Variants in INPP5A observed in about 807,000 individuals in gnomAD.
The protein encoded by INPP5A is 43 kDa inositol polyphosphate 5-phophatase.
INPP5A carries 14 observed loss-of-function variants against 65.2 expected under a neutral mutation model. The observed-to-expected ratio is 0.21, with a 90% CI of 0.14 to 0.34. The LOEUF (loss-of-function observed/expected upper bound fraction) is 0.34. INPP5A is among the 10% of genes least tolerant of loss of function. INPP5A has a pLI of 1.00. For synonymous variants in INPP5A, 207 were observed against 208.3 expected (o/e 0.99, Z 0.05); for missense variants, 431 against 545.6 (o/e 0.79, Z 2.09).
intron 12 of INPP5A, among the ~76,000 whole-genome samples, chr10:132,766,490 C>T (rs767149860): frequency 3.3e-5 from 5 of 151,498 alleles, no homozygotes; most frequent in Admixed American, 6.6e-5. Context: ...GCAGATGTTG[C>T]GTGGGTGTCC....
At chr10:132,716,042 C>G (rs1393913718) in intron 8 of INPP5A, among the ~76,000 whole-genome samples, 1 of 152,254 alleles carries the variant, frequency 6.6e-6, no homozygotes, top group Non-Finnish European at 1.5e-5. Context: ...GCTCCTTTCG[C>G]CTGTGCCTCA....
At chr10:132,781,983 C>G (rs370555745) in intron 15 of INPP5A, 35 bp downstream of exon 15, 1 of 1,612,176 alleles carries the variant, frequency 6.2e-7, no homozygotes, top group East Asian at 2.2e-5. Context: ...TCAGCTTTTA[C>G]GCAGCTTTTC....
At chr10:132,701,799 G>A (rs1404579210) in intron 6 of INPP5A, among the ~76,000 whole-genome samples, 1 of 152,264 alleles carries the variant, frequency 6.6e-6, no homozygotes, top group Non-Finnish European at 1.5e-5. Flanking sequence ...TGGCCAGCAA[G>A]GGGAGTGGGG....
At chr10:132,691,301 A>C (rs1311369166) in intron 5 of INPP5A, among the ~76,000 whole-genome samples, 1 of 152,146 alleles carries the variant, frequency 6.6e-6, no homozygotes, top group African/African-American at 2.4e-5. Context: ...GATCCTTCCA[A>C]ATTATAGCAT....
At chr10:132,724,071 G>A (rs1012009486) in intron 8 of INPP5A, among the ~76,000 whole-genome samples, 1 of 152,220 alleles carries the variant, frequency 6.6e-6, no homozygotes, top group Non-Finnish European at 1.5e-5. Flanking sequence ...ACAGGCAAGA[G>A]GAGCACGAAA....
At chr10:132,684,876 G>T (rs1219700095) in intron 4 of INPP5A, among the ~76,000 whole-genome samples, 1 of 152,204 alleles carries the variant, frequency 6.6e-6, no homozygotes, top group African/African-American at 2.4e-5. Flanking sequence ...TTCATTTGGG[G>T]GTCCTGTGTC....
At chr10:132,758,989 A>G (rs1846682039) in intron 11 of INPP5A, among the ~76,000 whole-genome samples, 1 of 152,218 alleles carries the variant, frequency 6.6e-6, no homozygotes, top group African/African-American at 2.4e-5. Flanking sequence ...AATGCAAATC[A>G]TTGGTTCAGC....
Position 132,616,882 on chromosome 10 carries a change from G to C in INPP5A, c.117+8926G>C, listed in dbSNP as rs183441317. 2.0e-5 allele frequency among the ~76,000 whole-genome samples: 3 copies of C among 152,086 alleles called. No individual in the cohort carries two copies. Among genetic ancestry groups the C allele is most frequent in the Non-Finnish European group, 4.4e-5 (3 of 68,012 alleles). On this transcript the variant is annotated intron_variant, in intron 2 of 15. Transcript: ENST00000368594. The surrounding 1 kb of genome is among the most constrained non-coding windows in gnomAD (Gnocchi z 4.9). ...GGAGCTCCTGGGCAGTCTGTTCTGGGAGTGAGGATGTTTGGGGGTTGTGGA... is the reference window on the plus strand; with the variant it reads ...GGAGCTCCTGGGCAGTCTGTTCTGGCAGTGAGGATGTTTGGGGGTTGTGGA...
At chr10:132,685,703 C>T (rs1000847935) in intron 4 of INPP5A, among the ~76,000 whole-genome samples, 6 of 152,222 alleles carry the variant, frequency 3.9e-5, no homozygotes, top group African/African-American at 7.2e-5. Context: ...CCGGTGGCTC[C>T]GTCCGGGAGG....
chr10:132,612,761 A>G (rs1408143311), intron 2 of INPP5A, among the ~76,000 whole-genome samples: 2 of 152,072 alleles, frequency 1.3e-5, no homozygotes, highest in African/African-American at 4.8e-5. Context: ...TTTGTGTTAC[A>G]TTTTGGCAGC....
chr10:132,572,586 C>T (rs866468065), intron 1 of INPP5A, among the ~76,000 whole-genome samples: 5 of 150,988 alleles, frequency 3.3e-5, no homozygotes, highest in African/African-American at 9.7e-5. Context: ...GGGGATGTGC[C>T]GTTTGCTCTT....
At position 132,547,793 on chromosome 10, in the gene INPP5A, T is replaced by G. The variant is rs1298920130; in HGVS notation, c.75+9622T>G. Among the ~76,000 whole-genome samples, 3 of 152,128 alleles carry G rather than the reference T, an allele frequency of 2.0e-5. No individual in the cohort carries two copies. The highest frequency in any genetic ancestry group is 2.0e-4 in the Admixed American group (3 of 15,276). On this transcript the variant is annotated intron_variant, in intron 1 of 15. Transcript: ENST00000368594. The surrounding 1 kb of genome is among the most constrained non-coding windows in gnomAD (Gnocchi z 5.5). ...GACGCGCTCTTGGTGACTCACCAAG[T>G]GAGTCCCAAGCTCCCTTCCTGTCAT... is the stretch of plus-strand genomic sequence containing the variant.
At chr10:132,719,756 G>C (rs1296319000) in intron 8 of INPP5A, among the ~76,000 whole-genome samples, 2 of 150,444 alleles carry the variant, frequency 1.3e-5, no homozygotes, top group Admixed American at 6.6e-5. Flanking sequence ...GTGGTACCTG[G>C]GTTCTTTCTG....
chr10:132,708,392 T>C (rs1021319694), intron 7 of INPP5A, 27 bp downstream of exon 7: 3 of 1,604,842 alleles, frequency 1.9e-6, no homozygotes, highest in Non-Finnish European at 2.6e-6. Context: ...CTTTGTCAAT[T>C]TCCATAACGT....
chr10:132,596,861 G>GCA lies in INPP5A; in HGVS notation c.76-11054_76-11053insCA, dbSNP rs1436725852. Among the ~76,000 whole-genome samples the GCA allele has an allele frequency of 6.5e-5, 9 of 139,510 alleles. No individual in the cohort carries two copies. In the South Asian group the frequency reaches 9.5e-4, roughly 15 times the overall value. The allele number at this position is 139,510 out of a possible 152,430, so 91.5% of individuals were successfully genotyped here. A position where few individuals can be genotyped will look rare whatever the true frequency, so the allele number is the denominator to read the frequency against. On this transcript the variant is annotated intron_variant, in intron 1 of 15. Transcript: ENST00000368594. ...CGTGTGTGCATGCGTGTGTGTGCAT[G>GCA]TGTGTGCATGTGTGTGCATGCACGT...
At chr10:132,579,103 G>A (rs1030388042) in intron 1 of INPP5A, among the ~76,000 whole-genome samples, 15 of 152,290 alleles carry the variant, frequency 9.8e-5, no homozygotes, top group East Asian at 9.7e-4. Context: ...AGGCTGGTGC[G>A]TGCCGGGCAG....
chr10:132,606,679 C>T (rs1365929040), intron 1 of INPP5A, among the ~76,000 whole-genome samples: 1 of 152,240 alleles, frequency 6.6e-6, no homozygotes, highest in Non-Finnish European at 1.5e-5. Flanking sequence ...GCCAGCCTTG[C>T]GATGCTGTTG....
chr10:132,719,909 G>A (rs1845832004), intron 8 of INPP5A, among the ~76,000 whole-genome samples: 1 of 149,922 alleles, frequency 6.7e-6, no homozygotes, highest in South Asian at 2.1e-4. Flanking sequence ...GTGGTACCTG[G>A]GTTCTGTCTG....
Position 132,663,751 on chromosome 10 carries a change from C to T in INPP5A, c.306+13246C>T, listed in dbSNP as rs555657462. On this transcript the variant is annotated intron_variant, in intron 4 of 15. Transcript: ENST00000368594. This position sits in a 1 kb window ranked among gnomAD's most constrained non-coding sequence, Gnocchi z 4.5. Reference sequence around the variant, plus strand: ...TTTCCTTGCCTTTTGGGGAGGGTCCCTGGTGCTCTGTGAGCAGATTCGCCC... The same window carrying T: ...TTTCCTTGCCTTTTGGGGAGGGTCCTTGGTGCTCTGTGAGCAGATTCGCCC... Among the ~76,000 whole-genome samples the T allele has an allele frequency of 6.6e-6, 1 of 152,278 alleles. No individual in the cohort carries two copies. The highest frequency in any genetic ancestry group is 2.1e-4 in the South Asian group (1 of 4,814).
Sources: allele counts gnomAD v4.1 joint callset (sites outside exome capture counted in the v4.1 genomes callset), GRCh38; gene constraint gnomAD v4.1.1; non-coding constraint Gnocchi (gnomAD v3.1); transcripts MANE v1.5; gene names NCBI Gene and HGNC (gene_info 2026-07-23, HGNC 2026-07-21).